Variants in TRAPPC9 observed in about 807,000 individuals in gnomAD.
TRAPPC9 encodes the protein IKK2 binding protein.
Under a neutral mutation model 124.0 loss-of-function variants are expected in TRAPPC9, and 83 were observed. That is an observed-to-expected ratio of 0.67 (90% CI 0.56 to 0.80). TRAPPC9 has a LOEUF of 0.80. TRAPPC9 is among the 30% of genes least tolerant of loss of function. The pLI is 0.00. For missense variants in TRAPPC9, 1,302 were observed against 1,508.3 expected (o/e 0.86, Z 2.27); for synonymous variants, 638 against 617.5 (o/e 1.03, Z -0.49).
At chr8:140,128,608 G>C (rs181186199) in intron 17 of TRAPPC9, among the ~76,000 whole-genome samples, 1 of 152,260 alleles carries the variant, frequency 6.6e-6, no homozygotes, top group Non-Finnish European at 1.5e-5. Flanking sequence ...TGTGCTCCTT[G>C]TACGGCAGAT....
At chr8:139,746,079 T>A (rs1200605974) in intron 21 of TRAPPC9, among the ~76,000 whole-genome samples, 2 of 152,196 alleles carry the variant, frequency 1.3e-5, no homozygotes, top group African/African-American at 4.8e-5. Flanking sequence ...CAGGGTGGCA[T>A]CTGCTGCCAT....
intron 21 of TRAPPC9, among the ~76,000 whole-genome samples, chr8:139,751,543 T>C (rs1425075433): frequency 6.6e-6 from 1 of 152,166 alleles, no homozygotes; most frequent in African/African-American, 2.4e-5. Context: ...TGACCTCAGC[T>C]TGGTGAGGTT....
At chr8:140,052,491 C>T (rs1443158338) in intron 17 of TRAPPC9, among the ~76,000 whole-genome samples, 2 of 152,010 alleles carry the variant, frequency 1.3e-5, no homozygotes, top group Non-Finnish European at 2.9e-5. Flanking sequence ...TATTTAAAAA[C>T]TTAGTCAGGG....
rs772086191 is a variant in TRAPPC9, at chr8:140,311,237, G to GC, written c.1622+10dup. 1.2e-6 allele frequency: 2 copies of GC among 1,609,326 alleles called. No individual in the cohort carries two copies. Among genetic ancestry groups the GC allele is most frequent in the Non-Finnish European group, 8.5e-7 (1 of 1,179,858 alleles). ...GCAGCTGCCTTTCCGGCTCTGCAGTGCCCATCTCACCTGACGATGGGAAGC... is the reference window on the plus strand; with the variant it reads ...GCAGCTGCCTTTCCGGCTCTGCAGTGCCCCATCTCACCTGACGATGGGAAGC... On this transcript the variant is annotated intron_variant, in intron 10 of 22. Coordinates refer to ENST00000438773, the MANE Select transcript of TRAPPC9 (RefSeq NM_001160372.4).
chr8:140,185,656 C>T lies in TRAPPC9; in HGVS notation c.2556+35803G>A, dbSNP rs2062336314. Among the ~76,000 whole-genome samples the T allele has an allele frequency of 2.0e-5, 3 of 152,178 alleles. No individual in the cohort carries two copies. In the South Asian group the frequency reaches 6.2e-4, roughly 31 times the overall value. On this transcript the variant is annotated intron_variant, in intron 17 of 22. Coordinates refer to ENST00000438773, the MANE Select transcript of TRAPPC9 (RefSeq NM_001160372.4). ...TCATTGCCCAGGGCTCAGCCGCATT[C>T]CCACATCAGGACCAGGGGAAGCCTC...
chr8:140,456,915 A>T, intron 1 of TRAPPC9: 6 of 805,684 alleles, frequency 7.4e-6, no homozygotes, highest in Non-Finnish European at 6.0e-6. Context: ...CACGTTGGGA[A>T]GGTCTGCAGG....
chr8:139,958,474 T>A (rs554539342), intron 19 of TRAPPC9, among the ~76,000 whole-genome samples: 2 of 152,272 alleles, frequency 1.3e-5, no homozygotes, highest in African/African-American at 4.8e-5. Context: ...ATGATGGCAT[T>A]TGCGTCTGTG....
intron 9 of TRAPPC9, among the ~76,000 whole-genome samples, chr8:140,350,744 C>T (rs2067543946): frequency 6.6e-6 from 1 of 151,958 alleles, no homozygotes; most frequent in Non-Finnish European, 1.5e-5. Flanking sequence ...GGCACGTAAG[C>T]ATTAATTAAG....
intron 17 of TRAPPC9, among the ~76,000 whole-genome samples, chr8:140,124,254 G>C (rs1451354143): frequency 6.6e-6 from 1 of 150,410 alleles, no homozygotes; most frequent in South Asian, 2.1e-4. Flanking sequence ...GTAGGGTGCA[G>C]GGGGGGCTCT....
chr8:140,400,818 T>C (rs981344171), intron 6 of TRAPPC9, among the ~76,000 whole-genome samples: 2 of 152,144 alleles, frequency 1.3e-5, no homozygotes, highest in Admixed American at 6.5e-5. Flanking sequence ...AGAGTTCAGA[T>C]GGATGGATCT....
intron 21 of TRAPPC9, among the ~76,000 whole-genome samples, chr8:139,761,779 G>A (rs1820245804): frequency 6.6e-6 from 1 of 151,406 alleles, no homozygotes; most frequent in African/African-American, 2.4e-5. Context: ...TCCTGTCACG[G>A]GGCAGGACCA....
At chr8:140,158,182 C>A (rs2061687775) in intron 17 of TRAPPC9, among the ~76,000 whole-genome samples, 1 of 152,220 alleles carries the variant, frequency 6.6e-6, no homozygotes, top group Non-Finnish European at 1.5e-5. Flanking sequence ...ACAGCCCCCC[C>A]TCAAATATAA....
At chr8:140,159,239 C>T (rs549131903) in intron 17 of TRAPPC9, among the ~76,000 whole-genome samples, 1 of 152,298 alleles carries the variant, frequency 6.6e-6, no homozygotes, top group Non-Finnish European at 1.5e-5. Flanking sequence ...ATTTAAAATG[C>T]CTAAATCTAT....
At chr8:139,841,978 C>T (rs574150813) in intron 21 of TRAPPC9, among the ~76,000 whole-genome samples, 11 of 152,278 alleles carry the variant, frequency 7.2e-5, no homozygotes, top group African/African-American at 2.2e-4. Context: ...AAGTGAAGAC[C>T]GGGGACATGG....
chr8:139,878,479 G>A (rs903202405), intron 21 of TRAPPC9, among the ~76,000 whole-genome samples: 1 of 113,862 alleles, frequency 8.8e-6, no homozygotes, highest in Admixed American at 9.9e-5. Context: ...TCTGGTGGAA[G>A]GAACTCATAT....
chr8:140,016,784 A>G (rs1040802572), intron 18 of TRAPPC9, among the ~76,000 whole-genome samples: 5 of 152,178 alleles, frequency 3.3e-5, no homozygotes, highest in African/African-American at 1.2e-4. Context: ...ATGTGGACTT[A>G]TATTTCTCTT....
intron 17 of TRAPPC9, among the ~76,000 whole-genome samples, chr8:140,131,028 T>G: frequency 6.6e-6 from 1 of 152,216 alleles, no homozygotes; most frequent in East Asian, 1.9e-4. Context: ...AAGCTGAAAT[T>G]ATACTGTAAA....
chr8:140,376,095 C>G (rs749107592), intron 7 of TRAPPC9, among the ~76,000 whole-genome samples: 1 of 152,078 alleles, frequency 6.6e-6, no homozygotes, highest in Non-Finnish European at 1.5e-5. Flanking sequence ...GAGGCATGCA[C>G]CAAGGATTTT....
At chr8:139,884,631 AGGGACAC>A (rs1300327632) in intron 21 of TRAPPC9, among the ~76,000 whole-genome samples, 1 of 152,226 alleles carries the variant, frequency 6.6e-6, no homozygotes, top group Non-Finnish European at 1.5e-5. Flanking sequence ...ATCTGAGTCT[AGGGACAC>A]GGCTGACTGT....
Sources: allele counts gnomAD v4.1 joint callset (sites outside exome capture counted in the v4.1 genomes callset), GRCh38; gene constraint gnomAD v4.1.1; transcripts MANE v1.5; gene names NCBI Gene and HGNC (gene_info 2026-07-23, HGNC 2026-07-21).